The following PLAC1 variants were observed in gnomAD, a reference collection of about 807,000 sequenced individuals.
PLAC1 encodes placenta associated 1.
For missense variants in PLAC1, 136 were observed against 163.2 expected, an observed-to-expected ratio of 0.83 and a Z score of 0.91; for synonymous variants, 68 against 62.1, an observed-to-expected ratio of 1.09 and a Z score of -0.44.
At chrX:134,670,216 C>A (rs893735129) in intron 2 of PLAC1, among the ~76,000 whole-genome samples, 3 of 110,259 alleles carry the variant, frequency 2.7e-5, no homozygotes, top group African/African-American at 9.9e-5. Context: ...TGGGTGGTCC[C>A]ATGCCACCCT....
chrX:134,732,386 C>T (rs1156934293), intron 2 of PLAC1, among the ~76,000 whole-genome samples: 2 of 111,561 alleles, frequency 1.8e-5, no homozygotes, highest in African/African-American at 6.5e-5. Context: ...CAAGGGCTGC[C>T]AAGTTCCAGG....
chrX:134,623,558 T>TTAG (rs1169114949), intron 1 of PLAC1, among the ~76,000 whole-genome samples: 9 of 112,380 alleles, frequency 8.0e-5, no homozygotes, highest in Non-Finnish European at 1.9e-5. Flanking sequence ...GAAAGGTTAA[T>TTAG]TAACTCACTG....
At chrX:134,730,011 G>A (rs929380426) in intron 2 of PLAC1, among the ~76,000 whole-genome samples, 3 of 110,762 alleles carry the variant, frequency 2.7e-5, no homozygotes, top group Non-Finnish European at 5.7e-5. Context: ...GGCTGGTCTC[G>A]AACTCCTGAC....
intron 1 of PLAC1, among the ~76,000 whole-genome samples, chrX:134,628,818 T>C (rs1305804910): frequency 8.9e-6 from 1 of 111,963 alleles, no homozygotes; most frequent in Admixed American, 9.5e-5. Context: ...TGTGCCTGTT[T>C]CCTTATCAGT....
chrX:134,621,924 C>T (rs768043743), intron 1 of PLAC1, among the ~76,000 whole-genome samples: 1 of 111,846 alleles, frequency 8.9e-6, no homozygotes, highest in South Asian at 3.8e-4. Flanking sequence ...AAGGTGCATC[C>T]TGGAGATGGA....
At chrX:134,752,921 T>C (rs935430108) in intron 1 of PLAC1, among the ~76,000 whole-genome samples, 1 of 111,758 alleles carries the variant, frequency 8.9e-6, no homozygotes, top group Non-Finnish European at 1.9e-5. Context: ...ATAATTGACA[T>C]AGCAAAAATA....
At chrX:134,646,742 A>G (rs906030644) in intron 1 of PLAC1, among the ~76,000 whole-genome samples, 2 of 112,391 alleles carry the variant, frequency 1.8e-5, no homozygotes, top group African/African-American at 6.5e-5. Flanking sequence ...GGTTCAAAAG[A>G]TTCCAATTCT....
chrX:134,579,020 T>C (rs1273694645), intron 2 of PLAC1, among the ~76,000 whole-genome samples: 1 of 111,497 alleles, frequency 9.0e-6, no homozygotes, highest in Non-Finnish European at 1.9e-5. Flanking sequence ...TTCTTTGCAA[T>C]GTCTTAAGTG....
intron 2 of PLAC1, among the ~76,000 whole-genome samples, chrX:134,674,560 C>T (rs1461640738): frequency 8.9e-6 from 1 of 112,559 alleles, no homozygotes; most frequent in Non-Finnish European, 1.9e-5. Flanking sequence ...CAATCACATG[C>T]ACTGTGACCC....
intron 1 of PLAC1, among the ~76,000 whole-genome samples, chrX:134,735,957 T>TA (rs766171376): frequency 0.021 from 1,791 of 83,936 alleles, 66 homozygotes; most frequent in East Asian, 0.2. Flanking sequence ...CTGTCTACCT[T>TA]AAAAAAAAAA....
chrX:134,617,815 C>T (rs73566628), intron 1 of PLAC1, among the ~76,000 whole-genome samples: 12,628 of 111,751 alleles, frequency 0.11, 1,753 homozygotes, highest in African/African-American at 0.39. Context: ...TATTCAAAAA[C>T]GAATACCCAA....
chrX:134,733,577 C>T (rs1233874957), intron 1 of PLAC1: 1 of 111,547 alleles, frequency 9.0e-6, no homozygotes, highest in African/African-American at 3.3e-5. Flanking sequence ...GCAGTATGTG[C>T]CCCAAAGCCC....
At chrX:134,617,769 C>G (rs1321346976) in intron 1 of PLAC1, among the ~76,000 whole-genome samples, 1 of 112,150 alleles carries the variant, frequency 8.9e-6, no homozygotes, top group African/African-American at 3.2e-5. Context: ...ATGTGCCCAG[C>G]TCTGTGCTAT....
At chrX:134,727,000 A>G (rs2078676693) in intron 2 of PLAC1, among the ~76,000 whole-genome samples, 1 of 107,790 alleles carries the variant, frequency 9.3e-6, no homozygotes. Flanking sequence ...TGCTGGAGAC[A>G]CTCTGCCCAT....
chrX:134,710,393 G>A (rs1361708624), intron 2 of PLAC1, among the ~76,000 whole-genome samples: 1 of 111,843 alleles, frequency 8.9e-6, no homozygotes, highest in Non-Finnish European at 1.9e-5. Context: ...GAGCCACATT[G>A]GAGAGCAACC....
In PLAC1 at chrX:134,658,356, C is replaced by A. The variant is rs1345737551; in HGVS notation, c.-159G>T. The A allele has an allele frequency of 2.7e-5, 3 of 112,730 alleles. No homozygotes were observed. The highest frequency in any genetic ancestry group is 9.7e-5 in the African/African-American group (3 of 31,001). 9.3% of individuals were successfully genotyped at this position (112,730 alleles called of 1,213,427 possible). A position where few individuals can be genotyped will look rare whatever the true frequency, so the allele number is the denominator to read the frequency against. On this transcript the variant is annotated 5_prime_UTR_variant, in exon 1 of 3. Transcript: ENST00000359237. ...CCAAATTTCCAAAGGGAAGAAGGAA[C>A]TTGCTGTGTCTGTATTTGCCCCCAG...
intron 2 of PLAC1, among the ~76,000 whole-genome samples, chrX:134,576,451 G>A (rs977669858): frequency 1.5e-4 from 16 of 107,200 alleles, no homozygotes; most frequent in African/African-American, 3.4e-4. Flanking sequence ...CAGAAGAATC[G>A]CTTGAACCCA....
chrX:134,578,107 G>GT (rs1217903775), intron 2 of PLAC1, among the ~76,000 whole-genome samples: 2 of 110,488 alleles, frequency 1.8e-5, no homozygotes, highest in Non-Finnish European at 3.8e-5. Context: ...ATGATTCTAA[G>GT]TATTAGTCAT....
At chrX:134,733,688 A>G (rs1049123402) in intron 1 of PLAC1, 1 of 111,224 alleles carries the variant, frequency 9.0e-6, no homozygotes, top group Admixed American at 9.6e-5. Context: ...AAAGGGCAAG[A>G]GGATTCCAGA....
Sources: allele counts gnomAD v4.1 joint callset (sites outside exome capture counted in the v4.1 genomes callset), GRCh38; gene constraint gnomAD v4.1.1; transcripts MANE v1.5; gene names NCBI Gene and HGNC (gene_info 2026-07-23, HGNC 2026-07-21).